Variants in SLC24A2 observed in about 807,000 individuals in gnomAD.
SLC24A2 encodes the protein sodium/potassium/calcium exchanger 2.
SLC24A2 carries 36 observed loss-of-function variants against 62.0 expected under a neutral mutation model. That is an observed-to-expected ratio of 0.58 (90% CI 0.44 to 0.77). The LOEUF (loss-of-function observed/expected upper bound fraction) is 0.77, where lower values mean the gene tolerates loss of function less well. SLC24A2 is among the 30% of genes least tolerant of loss of function. The pLI, the probability that SLC24A2 is intolerant of heterozygous loss-of-function variation, is 0.00. For missense variants in SLC24A2, 846 were observed against 817.9 expected, an observed-to-expected ratio of 1.03 and a Z score of -0.42; for synonymous variants, 358 against 294.0, an observed-to-expected ratio of 1.22 and a Z score of -2.23.
At chr9:19,784,774 G>A (rs972608431) in intron 2 of SLC24A2, among the ~76,000 whole-genome samples, 2 of 152,084 alleles carry the variant, frequency 1.3e-5, no homozygotes, top group South Asian at 2.1e-4. Context: ...ACAAGCATAC[G>A]AGAGAAATGT....
intron 8 of SLC24A2, among the ~76,000 whole-genome samples, chr9:19,545,961 G>T (rs190978825): frequency 6.6e-6 from 1 of 152,198 alleles, no homozygotes; most frequent in Non-Finnish European, 1.5e-5. Context: ...ACAGGACCCT[G>T]TGCTGCAGGT....
the SLC24A2 span, among the ~76,000 whole-genome samples, chr9:20,232,056 G>C: frequency 1.3e-4 from 20 of 152,106 alleles, no homozygotes; most frequent in Non-Finnish European, 2.2e-4. Flanking sequence ...TGCATATGTT[G>C]AACCAGCCTT....
intron 2 of SLC24A2, among the ~76,000 whole-genome samples, chr9:19,740,892 AG>A (rs1821656002): frequency 6.6e-6 from 1 of 150,504 alleles, no homozygotes; most frequent in Non-Finnish European, 1.5e-5. Context: ...AAAGAGAGAG[AG>A]AAAACTATTC....
chr9:19,704,386 A>G (rs1282001593), intron 2 of SLC24A2, among the ~76,000 whole-genome samples: 1 of 138,678 alleles, frequency 7.2e-6, no homozygotes, highest in Non-Finnish European at 1.6e-5. Context: ...AGAAGGAAAT[A>G]GGGAAAGAGA....
At chr9:19,680,210 A>G (rs1819680377) in intron 2 of SLC24A2, among the ~76,000 whole-genome samples, 1 of 152,158 alleles carries the variant, frequency 6.6e-6, no homozygotes, top group African/African-American at 2.4e-5. Context: ...AGTGGAACCA[A>G]TAGGAGAAGC....
chr9:19,786,931 C>T lies in SLC24A2; in HGVS notation c.-65G>A, dbSNP rs1056425826. 6.3e-7 allele frequency: 1 copy of T among 1,583,854 alleles called. No homozygotes were observed. The highest frequency in any genetic ancestry group is 1.3e-5 in the African/African-American group (1 of 74,268). ...GACTCAACCAGATGGTTCTTTCATA[C>T]TTTTCCTTACTTTATAGTTAACGAT... is the stretch of plus-strand genomic sequence containing the variant. On this transcript the variant is annotated 5_prime_UTR_variant, in exon 2 of 11. Coordinates refer to ENST00000341998, the MANE Select transcript of SLC24A2 (RefSeq NM_020344.4). The surrounding 1 kb of genome is among the most constrained non-coding windows in gnomAD (Gnocchi z 5.0).
At chr9:20,190,071 C>T in the SLC24A2 span, among the ~76,000 whole-genome samples, 2 of 152,172 alleles carry the variant, frequency 1.3e-5, no homozygotes, top group African/African-American at 2.4e-5. Context: ...TCCTCTCCAG[C>T]GGTTCCCTGG....
chr9:19,562,401 A>G (rs1274360393), intron 7 of SLC24A2, among the ~76,000 whole-genome samples: 12 of 152,168 alleles, frequency 7.9e-5, no homozygotes, highest in Non-Finnish European at 1.5e-4. Context: ...ACATTCTTCA[A>G]ACTCCTTCAG....
Position 19,508,891 on chromosome 9 carries a change from C to G in SLC24A2, c.*7262G>C, listed in dbSNP as rs1320685706. On this transcript the variant is annotated 3_prime_UTR_variant, in exon 11 of 11. Coordinates refer to ENST00000341998, the MANE Select transcript of SLC24A2 (RefSeq NM_020344.4). Reference sequence around the variant, plus strand: ...ATATATGTGTGTGTAAACAGTGTACCATACTAGGTTAGAAATTGTGTATTT... The same window carrying G: ...ATATATGTGTGTGTAAACAGTGTACGATACTAGGTTAGAAATTGTGTATTT... The G allele has an allele frequency of 6.6e-6, 1 of 151,928 alleles. No homozygotes were observed. The highest frequency in any genetic ancestry group is 2.4e-5 in the African/African-American group (1 of 41,336). The allele number at this position is 151,928 out of a possible 1,614,324, so 9.4% of individuals were successfully genotyped here.
At chr9:20,031,936 C>T in the SLC24A2 span, among the ~76,000 whole-genome samples, 5 of 152,072 alleles carry the variant, frequency 3.3e-5, no homozygotes, top group African/African-American at 4.8e-5. Flanking sequence ...CCATAATCAC[C>T]GATATCAAAA....
chr9:20,207,513 G>C, the SLC24A2 span, among the ~76,000 whole-genome samples: 1 of 152,180 alleles, frequency 6.6e-6, no homozygotes, highest in Non-Finnish European at 1.5e-5. Flanking sequence ...ACTGTCTCCT[G>C]TAATACTCTA....
chr9:19,574,323 G>C (rs1315832738), intron 6 of SLC24A2, among the ~76,000 whole-genome samples: 6 of 152,326 alleles, frequency 3.9e-5, no homozygotes, highest in South Asian at 2.1e-4. Flanking sequence ...TAAAGCCAGA[G>C]GGTCAGCAAG....
At chr9:19,942,857 C>T in the SLC24A2 span, among the ~76,000 whole-genome samples, 1 of 152,066 alleles carries the variant, frequency 6.6e-6, no homozygotes, top group African/African-American at 2.4e-5. Flanking sequence ...CTACAGGCGC[C>T]GATGAGCCAA....
the SLC24A2 span, among the ~76,000 whole-genome samples, chr9:20,053,150 CTCG>C: frequency 1.6e-4 from 25 of 152,260 alleles, no homozygotes; most frequent in South Asian, 4.1e-4. Flanking sequence ...TTGTTGATTT[CTCG>C]TCAACTTCAC....
the SLC24A2 span, among the ~76,000 whole-genome samples, chr9:20,068,768 A>G: frequency 6.6e-6 from 1 of 152,168 alleles, no homozygotes; most frequent in Non-Finnish European, 1.5e-5. Flanking sequence ...GGAGGTAGCA[A>G]TGGCCATGCT....
chr9:19,860,638 A>G, the SLC24A2 span, among the ~76,000 whole-genome samples: 167 of 152,242 alleles, frequency 1.1e-3, no homozygotes, highest in African/African-American at 3.8e-3. Flanking sequence ...CCAAGTAGCC[A>G]TTAGAGTTCT....
At chr9:20,073,804 G>A in the SLC24A2 span, among the ~76,000 whole-genome samples, 2 of 150,888 alleles carry the variant, frequency 1.3e-5, no homozygotes, top group East Asian at 3.9e-4. Context: ...TGTATACATT[G>A]TGTATGTATA....
chr9:19,511,212 G>A lies in SLC24A2; in HGVS notation c.*4941C>T, dbSNP rs1832703143. ...AGTAATAGAGTTGAGCTGGCTGTGA[G>A]TAGTTCCCTTATTGCTTTTCTTGTT... On this transcript the variant is annotated 3_prime_UTR_variant, in exon 11 of 11. Transcript: ENST00000341998. 6.6e-6 allele frequency: 1 copy of A among 152,130 alleles called. No homozygotes were observed. The highest frequency in any genetic ancestry group is 6.6e-5 in the Admixed American group (1 of 15,240). The allele number at this position is 152,130 out of a possible 1,614,324, so 9.4% of individuals were successfully genotyped here.
chr9:19,852,028 T>A, the SLC24A2 span, among the ~76,000 whole-genome samples: 1 of 152,208 alleles, frequency 6.6e-6, no homozygotes, highest in Non-Finnish European at 1.5e-5. Flanking sequence ...CCATTCTGGC[T>A]GGCATAAGAT....
Sources: allele counts gnomAD v4.1 joint callset (sites outside exome capture counted in the v4.1 genomes callset), GRCh38; gene constraint gnomAD v4.1.1; non-coding constraint Gnocchi (gnomAD v3.1); transcripts MANE v1.5; gene names NCBI Gene and HGNC (gene_info 2026-07-23, HGNC 2026-07-21).